The following C12orf54 variants were observed in gnomAD, a reference collection of about 807,000 sequenced individuals.
C12orf54 encodes the protein chromosome 12 open reading frame 54, also known as uncharacterized protein C12orf54.
In C12orf54, 24 loss-of-function variants were observed where a neutral mutation model predicts 26.4. The observed-to-expected ratio is 0.91, with a 90% CI of 0.66 to 1.28. C12orf54 has a LOEUF of 1.28. Ranked by LOEUF, C12orf54 falls within the 50% of genes most tolerant of loss-of-function variation. The probability of loss-of-function intolerance (pLI) is 0.00; values close to 1 mark genes in which losing one functional copy is unlikely to be tolerated. For missense variants in C12orf54, 154 were observed against 150.9 expected (o/e 1.02, Z -0.11); for synonymous variants, 54 against 47.0 (o/e 1.15, Z -0.61).
the C12orf54 span, among the ~76,000 whole-genome samples, chr12:48,449,987 T>A: frequency 6.6e-6 from 1 of 152,190 alleles, no homozygotes; most frequent in Non-Finnish European, 1.5e-5. Flanking sequence ...CTCTTGCCGC[T>A]GTCATGTAAG....
chr12:48,474,819 G>C, the C12orf54 span, among the ~76,000 whole-genome samples: 40 of 152,374 alleles, frequency 2.6e-4, no homozygotes, highest in African/African-American at 9.4e-4. Context: ...CACCTCTAGG[G>C]GCAGGGCACA....
chr12:48,468,939 A>T, the C12orf54 span, among the ~76,000 whole-genome samples: 1 of 152,188 alleles, frequency 6.6e-6, no homozygotes, highest in Non-Finnish European at 1.5e-5. Context: ...TGAGCCACAA[A>T]ACCAGCAAGT....
the C12orf54 span, among the ~76,000 whole-genome samples, chr12:48,449,314 C>A: frequency 6.6e-6 from 1 of 152,188 alleles, no homozygotes; most frequent in East Asian, 1.9e-4. Context: ...TTTTCCCCCA[C>A]AAAGGATGGC....
the C12orf54 span, chr12:48,417,171 G>T: frequency 6.6e-6 from 1 of 152,162 alleles, no homozygotes; most frequent in South Asian, 2.1e-4. Context: ...AAGTGCATGG[G>T]TATGCAGAGG....
chr12:48,420,883 T>C, the C12orf54 span, among the ~76,000 whole-genome samples: 6 of 152,328 alleles, frequency 3.9e-5, no homozygotes, highest in Admixed American at 1.3e-4. Flanking sequence ...TTTGCTTGTA[T>C]GGTACATATT....
At chr12:48,448,615 C>T in the C12orf54 span, among the ~76,000 whole-genome samples, 1 of 152,122 alleles carries the variant, frequency 6.6e-6, no homozygotes, top group Non-Finnish European at 1.5e-5. Flanking sequence ...ATAACAAGCC[C>T]TTTTTCTCTC....
chr12:48,466,952 G>A, the C12orf54 span, among the ~76,000 whole-genome samples: 1 of 152,102 alleles, frequency 6.6e-6, no homozygotes, highest in Non-Finnish European at 1.5e-5. Flanking sequence ...CAGGTAAATG[G>A]AAAAACAAAT....
At position 48,485,857 on chromosome 12, in the gene C12orf54, G is replaced by A. The variant is rs150923436; in HGVS notation, c.66-321G>A. ...GTTTGACAGGTTAGGCGGGGTGAAG[G>A]GTAGAGAGTGGACATAAATTAGGCA... On this transcript the variant is annotated intron_variant, in intron 2 of 8. Transcript: ENST00000548364. 4.2e-4 allele frequency among the ~76,000 whole-genome samples: 64 copies of A among 152,278 alleles called. 1 individual carries two copies. Among genetic ancestry groups the A allele is most frequent in the African/African-American group, 1.5e-3 (61 of 41,550 alleles).
At chr12:48,435,659 G>C in the C12orf54 span, among the ~76,000 whole-genome samples, 25 of 151,632 alleles carry the variant, frequency 1.6e-4, no homozygotes, top group African/African-American at 5.8e-4. Context: ...TCCAGCCAAA[G>C]TAAGCTTCAT....
intron 6 of C12orf54, 24 bp from the exon 7 acceptor site, chr12:48,492,923 G>A: frequency 1.2e-6 from 2 of 1,609,550 alleles, no homozygotes; most frequent in Non-Finnish European, 1.7e-6. Context: ...GTAACAGAAT[G>A]ACTCTTCTCT....
chr12:48,430,885 G>T, the C12orf54 span, among the ~76,000 whole-genome samples: 1 of 152,252 alleles, frequency 6.6e-6, no homozygotes, highest in East Asian at 1.9e-4. Context: ...TTGCAAAATC[G>T]TGGAACCAAC....
At chr12:48,489,628 G>A (rs1056960611) in intron 5 of C12orf54, among the ~76,000 whole-genome samples, 13 of 152,050 alleles carry the variant, frequency 8.5e-5, no homozygotes, top group South Asian at 8.3e-4. Context: ...TGTTGCCCAC[G>A]TTGGTCTCAA....
intron 2 of C12orf54, among the ~76,000 whole-genome samples, chr12:48,485,917 A>G (rs551566394): frequency 6.6e-6 from 1 of 152,322 alleles, no homozygotes; most frequent in South Asian, 2.1e-4. Context: ...GACAGTGTCC[A>G]TCACCTTCAC....
At chr12:48,495,113 G>T in intron 8 of C12orf54, 134 bp downstream of exon 8, 1 of 654,620 alleles carries the variant, frequency 1.5e-6, no homozygotes, top group Non-Finnish European at 2.5e-6. Flanking sequence ...CATACAAGGG[G>T]CAATAGGGTG....
chr12:48,447,154 G>A, the C12orf54 span, among the ~76,000 whole-genome samples: 1 of 152,132 alleles, frequency 6.6e-6, no homozygotes, highest in African/African-American at 2.4e-5. Context: ...CAAGTCTAAT[G>A]TGATGGGATT....
chr12:48,452,910 C>A, the C12orf54 span, among the ~76,000 whole-genome samples: 13 of 152,116 alleles, frequency 8.5e-5, no homozygotes, highest in Non-Finnish European at 2.9e-5. Flanking sequence ...ATTAGTTCAA[C>A]CATTGTAGAA....
At chr12:48,439,982 T>C in the C12orf54 span, among the ~76,000 whole-genome samples, 2 of 152,108 alleles carry the variant, frequency 1.3e-5, no homozygotes, top group African/African-American at 4.8e-5. Context: ...CCCAGCACCT[T>C]GGGAGGCTGA....
chr12:48,464,579 T>C, the C12orf54 span, among the ~76,000 whole-genome samples: 29,959 of 151,962 alleles, frequency 0.2, 3,277 homozygotes, highest in South Asian at 0.3. Context: ...TTTTAAAATA[T>C]ATGTGGAACC....
the C12orf54 span, among the ~76,000 whole-genome samples, chr12:48,468,419 C>T: frequency 6.6e-6 from 1 of 152,086 alleles, no homozygotes; most frequent in African/African-American, 2.4e-5. Flanking sequence ...GTGCTTTGTC[C>T]TAAGCATGAT....
Sources: allele counts gnomAD v4.1 joint callset (sites outside exome capture counted in the v4.1 genomes callset), GRCh38; gene constraint gnomAD v4.1.1; transcripts MANE v1.5; gene names NCBI Gene and HGNC (gene_info 2026-07-23, HGNC 2026-07-21).